TECPR2: variants seen among roughly 807,000 people sequenced by gnomAD.
TECPR2 encodes the protein tectonin beta-propeller repeat containing 2, also known as tectonin beta-propeller repeat-containing protein 2.
TECPR2 carries 65 observed loss-of-function variants against 138.1 expected under a neutral mutation model. The ratio of observed to expected loss-of-function variants is 0.47; its 90% CI spans 0.39 to 0.58. TECPR2 has a LOEUF of 0.58. Ranked by LOEUF, TECPR2 falls within the 20% of genes least tolerant of loss-of-function variation. The pLI is 0.00. For synonymous variants in TECPR2, 746 were observed against 749.8 expected (o/e 0.99, Z 0.08); for missense variants, 1,553 against 1,824.5 (o/e 0.85, Z 2.71).
Position 102,498,615 on chromosome 14 carries a change from C to A in TECPR2, c.*358C>A. 1 of 412,806 alleles carries A rather than the reference C, an allele frequency of 2.4e-6. No homozygotes were observed. The highest frequency in any genetic ancestry group is 4.6e-6 in the Non-Finnish European group (1 of 218,094). 25.6% of individuals were successfully genotyped at this position (412,806 alleles called of 1,614,324 possible). On this transcript the variant is annotated 3_prime_UTR_variant, in exon 20 of 20. Transcript: ENST00000359520. ...GAGGCCTCCCAGAACCAAGGGTAGC[C>A]GGGCAGCTGGTTTGGCCCAGGGCCT...
chr14:102,445,782 C>G (rs761048344), intron 12 of TECPR2, 24 bp from the exon 13 acceptor site: 17 of 1,611,644 alleles, frequency 1.1e-5, no homozygotes, highest in Non-Finnish European at 1.4e-5. Flanking sequence ...GTGCTGACCC[C>G]CCTGTTCTCC....
rs545090264 is a variant in TECPR2 at position 102,439,523 on chromosome 14, A to G, written c.2579-913A>G. On this transcript the variant is annotated intron_variant, in intron 10 of 19. Transcript: ENST00000359520. ...GTGTTTTAATTCATTTCTCGTTGGT[A>G]TCATTTACCTTCAGGTTTGTCTCCT... 7.0e-4 allele frequency among the ~76,000 whole-genome samples: 106 copies of G among 152,286 alleles called. 1 individual carries two copies. Among genetic ancestry groups the G allele is most frequent in the African/African-American group, 2.5e-3 (103 of 41,560 alleles).
chr14:102,436,053 C>T (rs1269578068), intron 9 of TECPR2, among the ~76,000 whole-genome samples: 1 of 152,188 alleles, frequency 6.6e-6, no homozygotes, highest in Non-Finnish European at 1.5e-5. Context: ...TGCAGGTATC[C>T]CACAAAGCAC....
chr14:102,409,590 C>T (rs118074646), intron 4 of TECPR2, among the ~76,000 whole-genome samples: 160 of 152,236 alleles, frequency 1.1e-3, no homozygotes, highest in Non-Finnish European at 1.9e-3. Context: ...TGAGCCACCA[C>T]GCCCAGCCAA....
At chr14:102,495,624 C>T (rs1891259474) in intron 17 of TECPR2, among the ~76,000 whole-genome samples, 1 of 152,194 alleles carries the variant, frequency 6.6e-6, no homozygotes, top group Non-Finnish European at 1.5e-5. Context: ...CTTAGAGGAC[C>T]TAGCAGCAGC....
chr14:102,475,136 A>C lies in TECPR2; in HGVS notation c.3789+9847A>C, dbSNP rs143762712. On this transcript the variant is annotated intron_variant, in intron 17 of 19. Coordinates refer to ENST00000359520, the MANE Select transcript of TECPR2 (RefSeq NM_014844.5). Reference sequence around the variant, plus strand: ...GGCAGAGTGCCATGGAGCCAGCTGGAGAGGGAAGTGCTGTCAGGGCCTTGG... The same window carrying C: ...GGCAGAGTGCCATGGAGCCAGCTGGCGAGGGAAGTGCTGTCAGGGCCTTGG... Among the ~76,000 whole-genome samples the C allele has an allele frequency of 6.6e-3, 1,000 of 152,282 alleles. 13 individuals are homozygous for C. The highest frequency in any genetic ancestry group is 0.023 in the African/African-American group (954 of 41,550).
At chr14:102,408,058 A>T (rs1315174213) in intron 3 of TECPR2, among the ~76,000 whole-genome samples, 1 of 151,790 alleles carries the variant, frequency 6.6e-6, no homozygotes, top group African/African-American at 2.4e-5. Flanking sequence ...AGTCCCAGCT[A>T]CTCGGGAGGC....
chr14:102,407,182 A>G (rs1888680990), intron 2 of TECPR2, among the ~76,000 whole-genome samples, 156 bp from the exon 3 acceptor site: 1 of 151,872 alleles, frequency 6.6e-6, no homozygotes, highest in African/African-American at 2.4e-5. Flanking sequence ...TTGTTTTTTC[A>G]ACAGATGTAA....
intron 2 of TECPR2, among the ~76,000 whole-genome samples, chr14:102,396,865 T>G (rs759714120): frequency 6.6e-6 from 1 of 152,192 alleles, no homozygotes; most frequent in African/African-American, 2.4e-5. Context: ...GACTGCTGAT[T>G]GCTGCTTCTG....
chr14:102,473,857 G>C (rs1344846585), intron 17 of TECPR2, among the ~76,000 whole-genome samples: 2 of 152,192 alleles, frequency 1.3e-5, no homozygotes, highest in Non-Finnish European at 2.9e-5. Context: ...TTCACATTCT[G>C]TGTGCCCCAT....
chr14:102,496,247 C>T (rs1891276489), intron 17 of TECPR2, among the ~76,000 whole-genome samples: 1 of 152,184 alleles, frequency 6.6e-6, no homozygotes, highest in Non-Finnish European at 1.5e-5. Flanking sequence ...TCGGGTCACC[C>T]ACCAGCACTG....
At chr14:102,428,424 G>A in intron 7 of TECPR2, 42 bp downstream of exon 7, 1 of 1,603,144 alleles carries the variant, frequency 6.2e-7, no homozygotes, top group Non-Finnish European at 8.5e-7. Context: ...ATGATGGGAA[G>A]TACTATACTC....
rs1889111859 is a variant in TECPR2 at position 102,419,269 on chromosome 14, C to T, written c.638+4476C>T. Among the ~76,000 whole-genome samples the T allele has an allele frequency of 6.6e-6, 1 of 152,110 alleles. No homozygotes were observed. Among genetic ancestry groups the T allele is most frequent in the South Asian group, 2.1e-4 (1 of 4,824 alleles). On this transcript the variant is annotated intron_variant, in intron 5 of 19. Coordinates refer to ENST00000359520, the MANE Select transcript of TECPR2 (RefSeq NM_014844.5). This position sits in a 1 kb window ranked among gnomAD's most constrained non-coding sequence, Gnocchi z 4.8. The stretch of plus-strand genomic sequence containing the variant: ...TGTAGCATGGAGGCTGTGCACAGCC[C>T]TCCTCATCAGCAGGGCCAAGGGATT...
intron 2 of TECPR2, among the ~76,000 whole-genome samples, chr14:102,403,987 T>C (rs1888573695): frequency 6.6e-6 from 1 of 151,670 alleles, no homozygotes; most frequent in Non-Finnish European, 1.5e-5. Flanking sequence ...AGCCTCAATC[T>C]CCTAGGCTCA....
chr14:102,483,821 GT>G lies in TECPR2; in HGVS notation c.3790-13153del, dbSNP rs557997614. Among the ~76,000 whole-genome samples the G allele has an allele frequency of 3.9e-3, 420 of 107,540 alleles. 3 individuals are homozygous for G. The highest frequency in any genetic ancestry group is 0.014 in the African/African-American group (393 of 27,356). 70.6% of individuals were successfully genotyped at this position (107,540 alleles called of 152,430 possible). A position where few individuals can be genotyped will look rare whatever the true frequency, so the allele number is the denominator to read the frequency against. On this transcript the variant is annotated intron_variant, in intron 17 of 19. Transcript: ENST00000359520. ...TTTTTTTTTTTTTTTTTGAGTTGGT[GT>G]TTTTGCCCTTGTTGCCCAGGCTGGA...
At chr14:102,447,260 G>T (rs544037354) in intron 13 of TECPR2, among the ~76,000 whole-genome samples, 104 of 152,238 alleles carry the variant, frequency 6.8e-4, no homozygotes, top group African/African-American at 2.4e-3. Context: ...GGGACCACAG[G>T]CACATGCCAC....
intron 17 of TECPR2, among the ~76,000 whole-genome samples, chr14:102,474,191 C>T (rs1023015844): frequency 2.0e-5 from 3 of 152,024 alleles, no homozygotes; most frequent in Middle Eastern, 3.2e-3. Flanking sequence ...TCACTTGAGC[C>T]CAGGAGGTCA....
Position 102,380,675 on chromosome 14 carries a change from T to C in TECPR2, c.219+3735T>C, listed in dbSNP as rs368601424. ...CTGGAAGACAGTAGCATTTTTTTGG[T>C]TTTTTGTTTTTGTTTTGTTTTGAGA... On this transcript the variant is annotated intron_variant, in intron 2 of 19. Transcript: ENST00000359520. 4.6e-4 allele frequency among the ~76,000 whole-genome samples: 70 copies of C among 152,210 alleles called. 1 individual carries two copies. The East Asian group carries it at 0.013, about 27-fold the overall frequency.
chr14:102,387,407 A>G (rs1888036678), intron 2 of TECPR2, among the ~76,000 whole-genome samples: 1 of 152,228 alleles, frequency 6.6e-6, no homozygotes, highest in Non-Finnish European at 1.5e-5. Context: ...ATGTGTAAGC[A>G]TAGACCAAAA....
Sources: allele counts gnomAD v4.1 joint callset (sites outside exome capture counted in the v4.1 genomes callset), GRCh38; gene constraint gnomAD v4.1.1; non-coding constraint Gnocchi (gnomAD v3.1); transcripts MANE v1.5; gene names NCBI Gene and HGNC (gene_info 2026-07-23, HGNC 2026-07-21).